Variants in ALCAM observed in about 807,000 individuals in gnomAD.
The protein encoded by ALCAM is CD166 antigen.
Under a neutral mutation model 70.9 loss-of-function variants are expected in ALCAM, and 30 were observed. The observed-to-expected ratio is 0.42, with a 90% CI of 0.32 to 0.57. The LOEUF (loss-of-function observed/expected upper bound fraction) is 0.57, where lower values mean the gene tolerates loss of function less well. Among genes scored for constraint, ALCAM ranks in the 20% least tolerant of loss-of-function variants. ALCAM has a pLI of 0.11. For synonymous variants in ALCAM, 249 were observed against 242.5 expected (o/e 1.03, Z -0.25); for missense variants, 591 against 695.1 (o/e 0.85, Z 1.68).
rs755649844 is a variant in ALCAM at position 105,571,866 on chromosome 3, A to T, written c.1679A>T (p.His560Leu). The change falls in exon 15 of 16, where the codon CAT becomes CTT. Residue 560 changes from histidine (H) to leucine (L), a missense_variant. Coordinates refer to ENST00000306107, the MANE Select transcript of ALCAM (RefSeq NM_001627.4). The part of the protein sequence containing the change: ...YMKKSKTASK[H>L]VNKDLGNMEE... ...TTCTCTTACAGGACTGCATCAAAAC[A>T]TGTAAACAAGGACCTCGGTAATATG... The T allele has an allele frequency of 6.2e-7, 1 of 1,612,118 alleles. No homozygotes were observed.
At chr3:105,529,918 A>T (rs1184754320) in intron 3 of ALCAM, among the ~76,000 whole-genome samples, 5 of 152,102 alleles carry the variant, frequency 3.3e-5, no homozygotes, top group Admixed American at 3.3e-4. Flanking sequence ...GGTGAACTGG[A>T]AAGTAGTGAA....
intron 1 of ALCAM, among the ~76,000 whole-genome samples, chr3:105,506,159 A>G (rs1016151691): frequency 3.9e-5 from 6 of 152,208 alleles, no homozygotes; most frequent in African/African-American, 1.2e-4. Context: ...TATGTAATAT[A>G]TGCCTGTTAA....
rs191354330 is a variant in ALCAM at position 105,555,531 on chromosome 3, G to A, written c.1664+2946G>A. Among the ~76,000 whole-genome samples, 420 of 152,030 alleles carry A rather than the reference G, an allele frequency of 2.8e-3. 10 individuals carry two copies. Among genetic ancestry groups the A allele is most frequent in the Non-Finnish European group, 9.0e-4 (61 of 67,898 alleles). ...ATCTTTCAAGTTAAGAATGTCTAAC[G>A]CCATTTTTGTGATACAGCTAGCAAA... On this transcript the variant is annotated intron_variant, in intron 14 of 15. Transcript: ENST00000306107.
chr3:105,499,085 C>T (rs1256277506), intron 1 of ALCAM, among the ~76,000 whole-genome samples: 2 of 152,020 alleles, frequency 1.3e-5, no homozygotes, highest in African/African-American at 2.4e-5. Context: ...TACAATAGTA[C>T]AATATCACTA....
At position 105,366,938 on chromosome 3, in the gene ALCAM, G is replaced by GCCGCTGCTACCA. The variant is rs1935069763; in HGVS notation, c.-463_-452dup. 1 of 160,364 alleles carries GCCGCTGCTACCA rather than the reference G, an allele frequency of 6.2e-6. No homozygotes were observed. 9.9% of individuals were successfully genotyped at this position (160,364 alleles called of 1,614,324 possible). A position where few individuals can be genotyped will look rare whatever the true frequency, so the allele number is the denominator to read the frequency against. On this transcript the variant is annotated 5_prime_UTR_variant, in exon 1 of 16. Coordinates refer to ENST00000306107, the MANE Select transcript of ALCAM (RefSeq NM_001627.4). ...CAGCCCGGAGACCGCTGCCGCCGCTGCCGCTGCTACCACCGCTGCCACCTG... is the reference window on the plus strand; with the variant it reads ...CAGCCCGGAGACCGCTGCCGCCGCTGCCGCTGCTACCACCGCTGCTACCACCGCTGCCACCTG...
At chr3:105,454,324 C>T (rs1016102500) in intron 1 of ALCAM, among the ~76,000 whole-genome samples, 3 of 152,086 alleles carry the variant, frequency 2.0e-5, no homozygotes, top group African/African-American at 7.2e-5. Context: ...AGTAAACAAA[C>T]TATTTTAAGC....
chr3:105,533,816 A>G (rs956951716), intron 5 of ALCAM, 126 bp downstream of exon 5: 11 of 771,846 alleles, frequency 1.4e-5, no homozygotes, highest in Admixed American at 7.4e-5. Context: ...TTCATGGAAG[A>G]CAATTTTTCT....
At chr3:105,392,309 T>C (rs12495149) in intron 1 of ALCAM, among the ~76,000 whole-genome samples, 24,542 of 151,894 alleles carry the variant, frequency 0.16, 2,252 homozygotes, top group East Asian at 0.37. Context: ...GGGTGGTGTA[T>C]GTATCCAAGA....
At chr3:105,481,568 A>C (rs1205145654) in intron 1 of ALCAM, among the ~76,000 whole-genome samples, 1 of 152,224 alleles carries the variant, frequency 6.6e-6, no homozygotes, top group African/African-American at 2.4e-5. Context: ...ATGTCATTTT[A>C]AATCAGTAAG....
intron 2 of ALCAM, among the ~76,000 whole-genome samples, chr3:105,520,863 A>G (rs1288822333): frequency 1.3e-5 from 2 of 152,162 alleles, no homozygotes; most frequent in East Asian, 1.9e-4. Context: ...CAATTTCCCA[A>G]TGCTGGACCA....
intron 1 of ALCAM, among the ~76,000 whole-genome samples, chr3:105,386,042 C>T (rs1432579552): frequency 6.6e-6 from 1 of 151,530 alleles, no homozygotes; most frequent in Admixed American, 6.6e-5. Flanking sequence ...GAATGATCTG[C>T]TCTAAACTTA....
chr3:105,471,191 A>T (rs1937915059), intron 1 of ALCAM, among the ~76,000 whole-genome samples: 1 of 151,418 alleles, frequency 6.6e-6, no homozygotes, highest in South Asian at 2.1e-4. Flanking sequence ...TGTGGAACAG[A>T]TCGAAGTTGA....
intron 6 of ALCAM, among the ~76,000 whole-genome samples, chr3:105,538,512 T>C (rs1940028290): frequency 6.6e-6 from 1 of 152,130 alleles, no homozygotes; most frequent in Non-Finnish European, 1.5e-5. Context: ...GACTCTCTAA[T>C]ACAAAGCGGA....
At chr3:105,520,644 A>G (rs537720673) in intron 2 of ALCAM, among the ~76,000 whole-genome samples, 5 of 151,234 alleles carry the variant, frequency 3.3e-5, no homozygotes, top group South Asian at 2.1e-4. Context: ...TGTTGATGCT[A>G]TAGGTCTTTT....
chr3:105,505,869 AT>A (rs1939060411), intron 1 of ALCAM, among the ~76,000 whole-genome samples: 1 of 152,150 alleles, frequency 6.6e-6, no homozygotes, highest in South Asian at 2.1e-4. Context: ...AAAAGATTTT[AT>A]TGGCTTTCCC....
chr3:105,514,856 C>T (rs1463049980), intron 1 of ALCAM, among the ~76,000 whole-genome samples: 1 of 151,940 alleles, frequency 6.6e-6, no homozygotes, highest in Non-Finnish European at 1.5e-5. Context: ...TTTGAATAAA[C>T]ATATCCCTAC....
intron 1 of ALCAM, among the ~76,000 whole-genome samples, chr3:105,440,218 T>TCTAA (rs1937141942): frequency 6.6e-6 from 1 of 152,068 alleles, no homozygotes. Flanking sequence ...AGGCATAGCA[T>TCTAA]CTAAGTCAAA....
chr3:105,464,821 A>G (rs1483214384), intron 1 of ALCAM, among the ~76,000 whole-genome samples: 1 of 151,398 alleles, frequency 6.6e-6, no homozygotes, highest in Non-Finnish European at 1.5e-5. Flanking sequence ...TTAAAAATAT[A>G]ATTTACATAA....
At chr3:105,488,677 G>C (rs1207559699) in intron 1 of ALCAM, among the ~76,000 whole-genome samples, 1 of 149,802 alleles carries the variant, frequency 6.7e-6, no homozygotes, top group Non-Finnish European at 1.5e-5. Context: ...GGAAGGGGAA[G>C]GGAAGGGGAA....
Sources: allele counts gnomAD v4.1 joint callset (sites outside exome capture counted in the v4.1 genomes callset), GRCh38; gene constraint gnomAD v4.1.1; transcripts MANE v1.5; gene names NCBI Gene and HGNC (gene_info 2026-07-23, HGNC 2026-07-21).